Variants in THSD4 observed in about 807,000 individuals in gnomAD.
THSD4 encodes the protein thrombospondin type 1 domain containing 4.
Under a neutral mutation model 119.0 loss-of-function variants are expected in THSD4, and 69 were observed. The ratio of observed to expected loss-of-function variants is 0.58; its 90% CI spans 0.48 to 0.71. The LOEUF is 0.71. Among genes scored for constraint, THSD4 ranks in the 30% least tolerant of loss-of-function variants. The probability of loss-of-function intolerance (pLI) is 0.00; values close to 1 mark genes in which losing one functional copy is unlikely to be tolerated. For synonymous variants in THSD4, 524 were observed against 540.4 expected (o/e 0.97, Z 0.42); for missense variants, 1,393 against 1,391.1 (o/e 1.00, Z -0.02).
At chr15:71,624,062 G>C (rs1158032907) in intron 7 of THSD4, among the ~76,000 whole-genome samples, 1 of 152,238 alleles carries the variant, frequency 6.6e-6, no homozygotes, top group Admixed American at 6.5e-5. Context: ...CTACTAGGGA[G>C]AGTGATCGAG....
At chr15:71,454,631 T>C (rs1307859174) in intron 7 of THSD4, among the ~76,000 whole-genome samples, 1 of 152,228 alleles carries the variant, frequency 6.6e-6, no homozygotes, top group Non-Finnish European at 1.5e-5. Context: ...AAGGGAAGTC[T>C]GGAAGTTCAA....
chr15:71,618,367 G>C (rs990336558), intron 7 of THSD4, among the ~76,000 whole-genome samples: 1 of 152,166 alleles, frequency 6.6e-6, no homozygotes, highest in Non-Finnish European at 1.5e-5. Flanking sequence ...CAGTTAAAAC[G>C]ACTAAACTAT....
chr15:71,219,612 T>G (rs1300813003), intron 4 of THSD4, among the ~76,000 whole-genome samples: 5 of 152,232 alleles, frequency 3.3e-5, no homozygotes, highest in African/African-American at 1.2e-4. Context: ...CACATGTAAA[T>G]GCCTTCAATA....
intron 6 of THSD4, among the ~76,000 whole-genome samples, chr15:71,311,801 A>G (rs1221956953): frequency 6.6e-6 from 1 of 152,014 alleles, no homozygotes; most frequent in Non-Finnish European, 1.5e-5. Context: ...ACTCCTCTTC[A>G]GTCTGTTAGC....
intron 3 of THSD4, chr15:71,164,671 C>T: frequency 4.0e-6 from 6 of 1,517,214 alleles, no homozygotes; most frequent in South Asian, 2.7e-5. Flanking sequence ...AAATCTTACA[C>T]AGCCTTACAT....
At chr15:71,628,284 G>A (rs1016865067) in intron 7 of THSD4, among the ~76,000 whole-genome samples, 3 of 152,204 alleles carry the variant, frequency 2.0e-5, no homozygotes, top group Non-Finnish European at 1.5e-5. Flanking sequence ...GGTAAAAAAG[G>A]AAAGGCTGAG....
At chr15:71,617,168 T>C (rs926380197) in intron 7 of THSD4, among the ~76,000 whole-genome samples, 3 of 152,222 alleles carry the variant, frequency 2.0e-5, no homozygotes, top group African/African-American at 7.2e-5. Context: ...CTGAGATTTC[T>C]TACCCTCCTC....
intron 7 of THSD4, among the ~76,000 whole-genome samples, chr15:71,498,176 G>A (rs1485181615): frequency 4.6e-5 from 7 of 152,118 alleles, no homozygotes; most frequent in Non-Finnish European, 7.4e-5. Flanking sequence ...ATTAAATTTT[G>A]TAACACTTTC....
chr15:71,404,137 T>G (rs1308020126), intron 6 of THSD4, among the ~76,000 whole-genome samples: 1 of 152,188 alleles, frequency 6.6e-6, no homozygotes, highest in African/African-American at 2.4e-5. Flanking sequence ...AGTCACCAAC[T>G]TAGTTGTTTT....
intron 7 of THSD4, among the ~76,000 whole-genome samples, chr15:71,543,750 G>A (rs2048795918): frequency 6.6e-6 from 1 of 152,190 alleles, no homozygotes; most frequent in Admixed American, 6.5e-5. Flanking sequence ...GATGTGGGCC[G>A]GGTGTGGTGG....
chr15:71,780,657 C>T lies in THSD4; in HGVS notation c.*3283C>T, dbSNP rs1165780031. 4 of 456,590 alleles carry T rather than the reference C, an allele frequency of 8.8e-6. No individual in the cohort carries two copies. The highest frequency in any genetic ancestry group is 6.0e-5 in the African/African-American group (3 of 50,076). 28.3% of individuals were successfully genotyped at this position (456,590 alleles called of 1,614,324 possible). On this transcript the variant is annotated 3_prime_UTR_variant, in exon 18 of 18. Transcript: ENST00000261862. ...GGGACCCCAGGGAGGGCAAGGCAGCCTGTCCCCGCCCCCAGGGAACTAGAA... is the reference window on the plus strand; with the variant it reads ...GGGACCCCAGGGAGGGCAAGGCAGCTTGTCCCCGCCCCCAGGGAACTAGAA...
At chr15:71,359,022 T>G (rs2045858904) in intron 6 of THSD4, among the ~76,000 whole-genome samples, 1 of 152,250 alleles carries the variant, frequency 6.6e-6, no homozygotes, top group Admixed American at 6.5e-5. Flanking sequence ...AAGCTGGCTG[T>G]GTAATGGCAA....
chr15:71,682,888 CT>C (rs1567098741), intron 8 of THSD4, among the ~76,000 whole-genome samples: 7 of 7,868 alleles, frequency 8.9e-4, no homozygotes, highest in East Asian at 0.015. Flanking sequence ...TTCTTTCTTT[CT>C]TTCTTTCTTT....
chr15:71,373,383 A>T (rs1282635731), intron 6 of THSD4, among the ~76,000 whole-genome samples: 2 of 151,888 alleles, frequency 1.3e-5, no homozygotes, highest in Non-Finnish European at 2.9e-5. Context: ...TCCTTTCTTT[A>T]TTGGGTGCCG....
chr15:71,383,935 G>A (rs972615323), intron 6 of THSD4, among the ~76,000 whole-genome samples: 9 of 152,122 alleles, frequency 5.9e-5, no homozygotes, highest in African/African-American at 2.2e-4. Flanking sequence ...ACATCTGCAG[G>A]AAGTCCTGAA....
At chr15:71,154,425 C>T (rs2040756069) in intron 2 of THSD4, among the ~76,000 whole-genome samples, 2 of 152,340 alleles carry the variant, frequency 1.3e-5, no homozygotes, top group African/African-American at 4.8e-5. Flanking sequence ...CTGGCAGGCT[C>T]AAAGCCCATG....
At chr15:71,332,552 G>A (rs1266850983) in intron 6 of THSD4, among the ~76,000 whole-genome samples, 1 of 152,136 alleles carries the variant, frequency 6.6e-6, no homozygotes, top group Non-Finnish European at 1.5e-5. Context: ...CCTTAACAGG[G>A]AAGTCAGGTA....
At chr15:71,567,602 C>G (rs575598968) in intron 7 of THSD4, among the ~76,000 whole-genome samples, 2 of 142,506 alleles carry the variant, frequency 1.4e-5, no homozygotes, top group Non-Finnish European at 3.2e-5. Context: ...AGACACCCCC[C>G]CACACACACA....
chr15:71,737,584 G>T, intron 10 of THSD4, 148 bp from the exon 11 acceptor site: 1 of 1,106,016 alleles, frequency 9.0e-7, no homozygotes, highest in Non-Finnish European at 1.2e-6. Flanking sequence ...ACTAGTAGGT[G>T]TCTGCTTATT....
Sources: allele counts gnomAD v4.1 joint callset (sites outside exome capture counted in the v4.1 genomes callset), GRCh38; gene constraint gnomAD v4.1.1; transcripts MANE v1.5; gene names NCBI Gene and HGNC (gene_info 2026-07-23, HGNC 2026-07-21).